The following SULF1 variants were observed in gnomAD, a reference collection of about 807,000 sequenced individuals.
The protein encoded by SULF1 is extracellular sulfatase Sulf-1.
Under a neutral mutation model 110.5 loss-of-function variants are expected in SULF1, and 46 were observed. The ratio of observed to expected loss-of-function variants is 0.42; its 90% CI spans 0.33 to 0.53. SULF1 has a LOEUF of 0.53. Ranked by LOEUF, SULF1 falls within the 20% of genes least tolerant of loss-of-function variation. SULF1 has a pLI of 0.12. For synonymous variants in SULF1, 371 were observed against 387.1 expected (o/e 0.96, Z 0.49); for missense variants, 941 against 1,094.2 (o/e 0.86, Z 1.98).
chr8:69,604,783 C>T lies in SULF1; in HGVS notation c.1248-20C>T. 6.2e-7 allele frequency: 1 copy of T among 1,613,054 alleles called. No individual in the cohort carries two copies. Among genetic ancestry groups the T allele is most frequent in the East Asian group, 2.2e-5 (1 of 44,828 alleles). On this transcript the variant is annotated intron_variant, in intron 12 of 22. Coordinates refer to ENST00000402687, the MANE Select transcript of SULF1 (RefSeq NM_001128205.2). ...TTCAGATCACTTCTCATGTACGAAGCTTTTCCCTTTTTGTCGAAGCAAATT... is the reference window on the plus strand; with the variant it reads ...TTCAGATCACTTCTCATGTACGAAGTTTTTCCCTTTTTGTCGAAGCAAATT...
chr8:69,610,171 A>G (rs1173044144), intron 13 of SULF1, among the ~76,000 whole-genome samples: 1 of 152,204 alleles, frequency 6.6e-6, no homozygotes, highest in Non-Finnish European at 1.5e-5. Context: ...ATATAAAATC[A>G]AACATTTGTT....
intron 3 of SULF1, among the ~76,000 whole-genome samples, chr8:69,558,367 C>G (rs10504455): frequency 0.2 from 29,798 of 152,094 alleles, 3,004 homozygotes; most frequent in Middle Eastern, 0.24. Flanking sequence ...GTTTCAACTG[C>G]TTATGGTGTC....
At chr8:69,492,434 C>A (rs773323259), upstream of SULF1, among the ~76,000 whole-genome samples, 22 of 152,288 alleles carry the variant, frequency 1.4e-4, no homozygotes, top group Middle Eastern at 3.4e-3. Flanking sequence ...AGCACCTGGT[C>A]TGAGTCTAAG....
intron 3 of SULF1, among the ~76,000 whole-genome samples, chr8:69,558,395 A>C (rs1036050120): frequency 2.0e-5 from 3 of 152,176 alleles, no homozygotes; most frequent in Non-Finnish European, 4.4e-5. Flanking sequence ...TCTCTGGCCT[A>C]ACTATAAAGT....
chr8:69,471,531 G>T lies in SULF1; in HGVS notation c.-391+4581G>T, dbSNP rs1809083770. On this transcript the variant is annotated intron_variant, in intron 1 of 22. Coordinates refer to the SULF1 transcript ENST00000260128. ...ATATGAAAAATCCCTATGAAGTTCA[G>T]CTTTAACTGTAGTAGAAATTACATG... Among the ~76,000 whole-genome samples, 3 of 152,166 alleles carry T rather than the reference G, an allele frequency of 2.0e-5. No individual in the cohort carries two copies. In the South Asian group the frequency reaches 6.2e-4, roughly 31 times the overall value.
At chr8:69,638,205 C>T in intron 19 of SULF1, 2 of 298,878 alleles carry the variant, frequency 6.7e-6, no homozygotes, top group Non-Finnish European at 6.1e-6. Flanking sequence ...TCACTCACCC[C>T]TCTTTGGAAA....
chr8:69,611,334 A>C (rs1056481409), intron 13 of SULF1, among the ~76,000 whole-genome samples: 1 of 152,228 alleles, frequency 6.6e-6, no homozygotes, highest in Admixed American at 6.5e-5. Flanking sequence ...ATCTTCCAAC[A>C]TTCCAGTGTT....
chr8:69,601,960 T>C, intron 10 of SULF1, 131 bp downstream of exon 10: 1 of 933,508 alleles, frequency 1.1e-6, no homozygotes, highest in East Asian at 2.8e-5. Context: ...CTGGTTAATT[T>C]CGAAGATGAA....
At position 69,628,201 on chromosome 8, in the gene SULF1, G is replaced by A; in HGVS notation, c.2073G>A (p.Lys691=). Residue 691 remains lysine, a synonymous_variant, in exon 18 of 23, where the codon AAG becomes AAA. Coordinates refer to ENST00000402687, the MANE Select transcript of SULF1 (RefSeq NM_001128205.2). ...ACAATAAAGAGAAAGGTGTAAAAAA[G>A]CAAGAGAAATTAAAGAGCCATCTTC... ...SYYNKEKGVK[K]QEKLKSHLHP... 6.2e-7 allele frequency: 1 copy of A among 1,614,012 alleles called. No individual in the cohort carries two copies. Among genetic ancestry groups the A allele is most frequent in the Non-Finnish European group, 8.5e-7 (1 of 1,179,884 alleles).
chr8:69,630,340 G>T (rs1221251074), intron 19 of SULF1, among the ~76,000 whole-genome samples: 1 of 152,164 alleles, frequency 6.6e-6, no homozygotes, highest in Non-Finnish European at 1.5e-5. Context: ...TACATCCTCT[G>T]ATTGAAGCTT....
At chr8:69,503,599 T>C (rs769870951) in intron 3 of SULF1, among the ~76,000 whole-genome samples, 2 of 152,316 alleles carry the variant, frequency 1.3e-5, no homozygotes, top group South Asian at 2.1e-4. Flanking sequence ...TCTAGCCTGA[T>C]GCATCAATTT....
intron 5 of SULF1, among the ~76,000 whole-genome samples, chr8:69,574,201 T>C (rs547583508): frequency 6.6e-6 from 1 of 152,168 alleles, no homozygotes; most frequent in African/African-American, 2.4e-5. Context: ...TCTACCTTTG[T>C]TTTTTTTATT....
At position 69,564,044 on chromosome 8, in the gene SULF1, G is replaced by C. The variant is rs201650068; in HGVS notation, c.69G>C (p.Ser23=). Residue 23 remains serine, a synonymous_variant, in exon 5 of 23, where the codon TCG becomes TCC. Coordinates refer to ENST00000402687, the MANE Select transcript of SULF1 (RefSeq NM_001128205.2). The part of the protein sequence containing the change: ...LGTELLGSLC[S]TVRSPRFRGR... ...CAGAATTGCTGGGAAGCCTCTGTTC[G>C]ACTGTCAGATCCCCGAGGTTCAGAG... 1.2e-6 allele frequency: 2 copies of C among 1,614,056 alleles called. No individual in the cohort carries two copies. Among genetic ancestry groups the C allele is most frequent in the Non-Finnish European group, 1.7e-6 (2 of 1,180,040 alleles).
intron 3 of SULF1, among the ~76,000 whole-genome samples, chr8:69,516,272 G>A (rs1811911985): frequency 6.6e-6 from 1 of 152,254 alleles, no homozygotes; most frequent in Admixed American, 6.5e-5. Flanking sequence ...GTTGGGGGAG[G>A]CCTCAGGAGA....
chr8:69,552,012 A>G (rs1468074348), intron 3 of SULF1, among the ~76,000 whole-genome samples: 1 of 152,236 alleles, frequency 6.6e-6, no homozygotes, highest in African/African-American at 2.4e-5. Context: ...GAATCACTTG[A>G]ACCCACAAGG....
intron 6 of SULF1, among the ~76,000 whole-genome samples, chr8:69,582,689 A>G (rs1264533511): frequency 1.4e-4 from 4 of 27,752 alleles, no homozygotes; most frequent in African/African-American, 4.0e-4. Context: ...GCCTTCTTGG[A>G]AAAAAAAAAA....
rs771223295 is a variant in SULF1, at chr8:69,629,666, C to G, written c.2271C>G (p.Ala757=). 1.2e-6 allele frequency: 2 copies of G among 1,609,262 alleles called. No homozygotes were observed. The highest frequency in any genetic ancestry group is 1.7e-6 in the Non-Finnish European group (2 of 1,177,886). Residue 757 remains alanine, a synonymous_variant, in exon 19 of 23, where the codon GCC becomes GCG. Coordinates refer to ENST00000402687, the MANE Select transcript of SULF1 (RefSeq NM_001128205.2). ...ATGACAACAACCACTGGCAGACAGC[C>G]CCGTTCTGGAACCGTAAGTTGCTTG... ...FTHDNNHWQT[A]PFWNLGSFCA... is the part of the protein sequence containing the mutation.
intron 1 of SULF1, among the ~76,000 whole-genome samples, chr8:69,470,833 C>T (rs768783161): frequency 3.9e-5 from 6 of 152,192 alleles, no homozygotes; most frequent in Non-Finnish European, 5.9e-5. Context: ...ATCCCCACAA[C>T]CTCAGAAGTC....
At chr8:69,637,590 A>G (rs1462449175) in intron 19 of SULF1, 1 of 153,950 alleles carries the variant, frequency 6.5e-6, no homozygotes, top group Non-Finnish European at 1.4e-5. Context: ...TTCCAATATC[A>G]AACAGCAAAT....
Sources: allele counts gnomAD v4.1 joint callset (sites outside exome capture counted in the v4.1 genomes callset), GRCh38; gene constraint gnomAD v4.1.1; transcripts MANE v1.5; gene names NCBI Gene and HGNC (gene_info 2026-07-23, HGNC 2026-07-21).